Variants in LRRC7 observed in about 807,000 individuals in gnomAD.
LRRC7 encodes leucine rich repeat containing 7.
In LRRC7, 23 loss-of-function variants were observed where a neutral mutation model predicts 175.7. That is an observed-to-expected ratio of 0.13 (90% CI 0.09 to 0.19). The LOEUF (loss-of-function observed/expected upper bound fraction) is 0.19. Ranked by LOEUF, LRRC7 falls within the 10% of genes least tolerant of loss-of-function variation. The pLI is 1.00. For missense variants in LRRC7, 1,354 were observed against 1,904.7 expected (o/e 0.71, Z 5.38); for synonymous variants, 685 against 680.9 (o/e 1.01, Z -0.09).
rs562195675 is a variant in LRRC7, at chr1:69,909,910, A to G, written c.648-21597A>G. Among the ~76,000 whole-genome samples, 6 of 152,274 alleles carry G rather than the reference A, an allele frequency of 3.9e-5. No individual in the cohort carries two copies. In the South Asian group the frequency reaches 8.3e-4, roughly 21 times the overall value. Reference sequence around the variant, plus strand: ...CTCCCCATCATTTTCAGGTACACCAATCAGACATAGATTTGGTCTTTTCAC... The same window carrying G: ...CTCCCCATCATTTTCAGGTACACCAGTCAGACATAGATTTGGTCTTTTCAC... On this transcript the variant is annotated intron_variant, in intron 7 of 26. Coordinates refer to ENST00000651989, the MANE Select transcript of LRRC7 (RefSeq NM_001370785.2).
intron 7 of LRRC7, among the ~76,000 whole-genome samples, chr1:69,895,613 AGACAAATATTGTTCT>A (rs1645958475): frequency 6.6e-6 from 1 of 152,160 alleles, no homozygotes; most frequent in African/African-American, 2.4e-5. Flanking sequence ...CTCCCCACCC[AGACAAATATTGTTCT>A]GCTTTCTATC....
intron 8 of LRRC7, among the ~76,000 whole-genome samples, chr1:69,945,191 G>A (rs916073128): frequency 3.9e-5 from 6 of 152,186 alleles, no homozygotes; most frequent in Admixed American, 1.3e-4. Context: ...TGCATATGGG[G>A]TGGAATAATG....
chr1:69,754,460 C>A (rs887275643), intron 2 of LRRC7, among the ~76,000 whole-genome samples: 5 of 151,958 alleles, frequency 3.3e-5, no homozygotes, highest in African/African-American at 1.2e-4. Flanking sequence ...AGGTTTCTGT[C>A]TTGAGAAACT....
At chr1:69,798,542 C>T (rs1676077011) in intron 4 of LRRC7, among the ~76,000 whole-genome samples, 1 of 152,028 alleles carries the variant, frequency 6.6e-6, no homozygotes, top group Non-Finnish European at 1.5e-5. Context: ...AATTTTTAAA[C>T]TATTTTAACA....
intron 18 of LRRC7, among the ~76,000 whole-genome samples, chr1:70,029,058 C>T (rs965111877): frequency 3.3e-5 from 5 of 152,112 alleles, no homozygotes; most frequent in African/African-American, 1.2e-4. Flanking sequence ...TGTAAGTTCA[C>T]GTAACTACTT....
intron 23 of LRRC7, among the ~76,000 whole-genome samples, chr1:70,070,164 T>G (rs760878751): frequency 5.3e-5 from 8 of 151,998 alleles, no homozygotes; most frequent in African/African-American, 9.7e-5. Flanking sequence ...TGGCTAATTT[T>G]TTGTATTTCT....
chr1:69,752,422 G>T (rs1405380055), intron 2 of LRRC7, among the ~76,000 whole-genome samples: 1 of 152,070 alleles, frequency 6.6e-6, no homozygotes, highest in East Asian at 1.9e-4. Flanking sequence ...GGAATATTAG[G>T]CAAGGATAAC....
In LRRC7 at chr1:69,881,048, A is replaced by G. The variant is rs146421907; in HGVS notation, c.647+42765A>G. Among the ~76,000 whole-genome samples the G allele has an allele frequency of 9.8e-5, 15 of 152,358 alleles. No homozygotes were observed. The Middle Eastern group carries it at 0.014, about 138-fold the overall frequency. On this transcript the variant is annotated intron_variant, in intron 7 of 26. Transcript: ENST00000651989. ...TTTCCCTGGATCCCCAAACATGTGC[A>G]CATGGGACTTTGGATATAAAATTTC...
chr1:69,899,427 C>T (rs1366904646), intron 7 of LRRC7, among the ~76,000 whole-genome samples: 1 of 152,146 alleles, frequency 6.6e-6, no homozygotes, highest in Non-Finnish European at 1.5e-5. Context: ...TGCCAGATGC[C>T]AGGGAGCCAA....
intron 7 of LRRC7, among the ~76,000 whole-genome samples, chr1:69,907,914 T>A (rs1255483987): frequency 1.3e-5 from 2 of 152,198 alleles, no homozygotes; most frequent in African/African-American, 4.8e-5. Flanking sequence ...GTTGGTAAGC[T>A]ATTGATTATT....
rs966346297 is a variant in LRRC7 at position 70,138,083 on chromosome 1, G to T, written c.*16196G>T. 7 of 152,202 alleles carry T rather than the reference G, an allele frequency of 4.6e-5. No individual in the cohort carries two copies. Among genetic ancestry groups the T allele is most frequent in the Non-Finnish European group, 1.0e-4 (7 of 68,030 alleles). 9.4% of individuals were successfully genotyped at this position (152,202 alleles called of 1,614,324 possible). A position where few individuals can be genotyped will look rare whatever the true frequency, so the allele number is the denominator to read the frequency against. On this transcript the variant is annotated 3_prime_UTR_variant, in exon 27 of 27. Coordinates refer to ENST00000651989, the MANE Select transcript of LRRC7 (RefSeq NM_001370785.2). The stretch of plus-strand genomic sequence containing the variant: ...TCTGGAAAATTAGCTGCCATTTTGT[G>T]ATGAAGTGTTTGGTTTTTCCTTGTA...
intron 2 of LRRC7, among the ~76,000 whole-genome samples, chr1:69,682,882 G>T (rs1380364792): frequency 1.3e-5 from 2 of 152,038 alleles, no homozygotes; most frequent in Admixed American, 6.6e-5. Flanking sequence ...TTATATATTA[G>T]AATTTTGGAA....
At chr1:69,739,875 A>G (rs1668515671) in intron 2 of LRRC7, among the ~76,000 whole-genome samples, 1 of 152,130 alleles carries the variant, frequency 6.6e-6, no homozygotes, top group Non-Finnish European at 1.5e-5. Flanking sequence ...TGTTAAACAA[A>G]GAATTATCAT....
At chr1:69,804,389 G>T (rs1676874713) in intron 4 of LRRC7, among the ~76,000 whole-genome samples, 1 of 151,288 alleles carries the variant, frequency 6.6e-6, no homozygotes, top group Non-Finnish European at 1.5e-5. Context: ...AACATTGAGA[G>T]TACCCAATAC....
chr1:69,973,312 A>G (rs1303140380), intron 8 of LRRC7, among the ~76,000 whole-genome samples: 1 of 151,976 alleles, frequency 6.6e-6, no homozygotes, highest in East Asian at 1.9e-4. Context: ...GGTGAGAGAT[A>G]AAAGACCACA....
At chr1:69,876,216 G>A (rs1180915109) in intron 7 of LRRC7, among the ~76,000 whole-genome samples, 1 of 152,038 alleles carries the variant, frequency 6.6e-6, no homozygotes, top group East Asian at 1.9e-4. Context: ...ATCAAATTTT[G>A]CCAATTAAGG....
chr1:69,771,670 A>G (rs547250001), intron 3 of LRRC7, among the ~76,000 whole-genome samples: 2 of 152,310 alleles, frequency 1.3e-5, no homozygotes, highest in African/African-American at 4.8e-5. Context: ...TTGATTACCA[A>G]TTATGTGCAA....
chr1:69,972,275 G>A (rs1652316184), intron 8 of LRRC7, among the ~76,000 whole-genome samples: 1 of 152,190 alleles, frequency 6.6e-6, no homozygotes, highest in African/African-American at 2.4e-5. Flanking sequence ...AAATAGCTGG[G>A]ACTTAATTAA....
chr1:69,801,967 C>T (rs1169046231), intron 4 of LRRC7, among the ~76,000 whole-genome samples: 2 of 150,434 alleles, frequency 1.3e-5, no homozygotes, highest in African/African-American at 4.9e-5. Context: ...GTCTTAATTT[C>T]ATTATTGACC....
Sources: gnomAD v4.1 joint callset for allele counts (sites outside exome capture counted in the v4.1 genomes callset) on GRCh38, gnomAD v4.1.1 for gene constraint, MANE v1.5 for transcripts, NCBI Gene and HGNC (gene_info 2026-07-23, HGNC 2026-07-21) for gene names.